PEAK1: variants seen among roughly 807,000 people sequenced by gnomAD.
PEAK1 encodes the protein pseudopodium enriched atypical kinase 1, also known as inactive tyrosine-protein kinase PEAK1.
Under a neutral mutation model 124.7 loss-of-function variants are expected in PEAK1, and 54 were observed. The ratio of observed to expected loss-of-function variants is 0.43; its 90% CI spans 0.35 to 0.54. PEAK1 has a LOEUF of 0.54. Ranked by LOEUF, PEAK1 falls within the 20% of genes least tolerant of loss-of-function variation. The probability of loss-of-function intolerance (pLI) is 0.01; values close to 1 mark genes in which losing one functional copy is unlikely to be tolerated. For missense variants in PEAK1, 2,046 were observed against 2,134.5 expected (o/e 0.96, Z 0.82); for synonymous variants, 719 against 760.0 (o/e 0.95, Z 0.89).
At position 77,147,982 on chromosome 15, in the gene PEAK1, T is replaced by C. The variant is rs79345004; in HGVS notation, c.3331+10521A>G. On this transcript the variant is annotated intron_variant, in intron 8 of 9. Coordinates refer to ENST00000682557, the MANE Select transcript of PEAK1 (RefSeq NM_001385026.1). The stretch of plus-strand genomic sequence containing the variant: ...GACTGAGGAAGTGAATTTTTATTTT[T>C]ATAAATTTATATTTAAGAAGCCATA... 4.3e-3 allele frequency among the ~76,000 whole-genome samples: 653 copies of C among 152,340 alleles called. 1 individual carries two copies. The highest frequency in any genetic ancestry group is 0.013 in the African/African-American group (558 of 41,578).
At chr15:77,305,931 T>C (rs1037986583) in intron 2 of PEAK1, among the ~76,000 whole-genome samples, 3 of 152,204 alleles carry the variant, frequency 2.0e-5, no homozygotes, top group East Asian at 1.9e-4. Context: ...TCCACAGATA[T>C]GAAACCCACG....
chr15:77,281,649 C>T (rs1054098316), intron 5 of PEAK1, among the ~76,000 whole-genome samples: 1 of 152,034 alleles, frequency 6.6e-6, no homozygotes, highest in Non-Finnish European at 1.5e-5. Context: ...AAATTATTAT[C>T]TCTTTCAACA....
At chr15:77,188,216 A>T (rs2057647620) in intron 6 of PEAK1, among the ~76,000 whole-genome samples, 1 of 152,196 alleles carries the variant, frequency 6.6e-6, no homozygotes, top group Admixed American at 6.5e-5. Context: ...ACCAAAGTAA[A>T]ATCTGCTTAA....
intron 8 of PEAK1, among the ~76,000 whole-genome samples, chr15:77,136,897 C>T (rs2053380854): frequency 6.6e-6 from 1 of 152,200 alleles, no homozygotes; most frequent in Non-Finnish European, 1.5e-5. Flanking sequence ...CCATCAGAGG[C>T]CCGAAGGCCT....
chr15:77,324,553 G>T (rs2065446505), intron 2 of PEAK1, among the ~76,000 whole-genome samples: 1 of 152,128 alleles, frequency 6.6e-6, no homozygotes. Flanking sequence ...AAATAACTGA[G>T]ACTGAGTAAT....
At chr15:77,407,930 TACAC>T (rs774383293) in intron 1 of PEAK1, among the ~76,000 whole-genome samples, 56 of 132,654 alleles carry the variant, frequency 4.2e-4, no homozygotes, top group East Asian at 4.0e-3. Flanking sequence ...TATACATATA[TACAC>T]ACATATATAC....
chr15:77,373,673 C>A (rs764712058), intron 1 of PEAK1, among the ~76,000 whole-genome samples: 1 of 152,166 alleles, frequency 6.6e-6, no homozygotes, highest in Non-Finnish European at 1.5e-5. Flanking sequence ...AGATCGTGAT[C>A]CAGTGCTACA....
rs767781584 is a variant in PEAK1, at chr15:77,222,406, T to C, written c.-115+29961A>G. Among the ~76,000 whole-genome samples, 49 of 152,182 alleles carry C rather than the reference T, an allele frequency of 3.2e-4. 1 individual carries two copies. The highest frequency in any genetic ancestry group is 5.1e-4 in the Non-Finnish European group (35 of 67,974). On this transcript the variant is annotated intron_variant, in intron 6 of 9. Transcript: ENST00000682557. ...GCCTACTATAATGCAGACAGTATAC[T>C]ATCCAAGTGTTTCATATATATTACT... is the stretch of plus-strand genomic sequence containing the variant.
At chr15:77,182,671 G>C (rs2057337789) in intron 6 of PEAK1, among the ~76,000 whole-genome samples, 2 of 148,890 alleles carry the variant, frequency 1.3e-5, no homozygotes, top group African/African-American at 4.9e-5. Flanking sequence ...AGGATTGTTT[G>C]AGCCTGGGAG....
At chr15:77,182,095 T>TA in intron 6 of PEAK1, 55 bp from the exon 7 acceptor site, 1 of 1,303,078 alleles carries the variant, frequency 7.7e-7, no homozygotes. Context: ...CTATGAGACT[T>TA]ACCATTATTA....
chr15:77,146,802 G>T (rs12902446), intron 8 of PEAK1, among the ~76,000 whole-genome samples: 54,832 of 151,956 alleles, frequency 0.36, 10,027 homozygotes, highest in Non-Finnish European at 0.38. Flanking sequence ...ATTTGTTGAG[G>T]AAATGAGTGA....
At chr15:77,188,475 A>C (rs952598035) in intron 6 of PEAK1, among the ~76,000 whole-genome samples, 5 of 152,244 alleles carry the variant, frequency 3.3e-5, no homozygotes, top group Admixed American at 2.6e-4. Context: ...ACTAGTTATA[A>C]GATTAGAAGT....
rs187592131 is a variant in PEAK1, at chr15:77,369,121, T to G, written c.-665-3896A>C. Among the ~76,000 whole-genome samples the G allele has an allele frequency of 2.0e-5, 3 of 152,314 alleles. 1 individual carries two copies. In the East Asian group the frequency reaches 5.8e-4, roughly 29 times the overall value. On this transcript the variant is annotated intron_variant, in intron 1 of 9. Transcript: ENST00000682557. ...ACCATTAAGAAGCACTAAAATAATG[T>G]GTGCTAATCAGGTTACAGCTAGTAA...
At chr15:77,277,384 G>C (rs2062390380) in intron 5 of PEAK1, among the ~76,000 whole-genome samples, 2 of 151,682 alleles carry the variant, frequency 1.3e-5, no homozygotes, top group African/African-American at 4.8e-5. Context: ...TCTGTATCTT[G>C]GTTGCAGTGT....
Position 77,180,770 on chromosome 15 carries a change from T to C in PEAK1, c.1157A>G (p.Asn386Ser). The change falls in exon 7 of 10, where the codon AAT becomes AGT. Residue 386 changes from asparagine to serine, a missense_variant. Transcript: ENST00000682557. ...ATTATTACTAGAGGGACTTTCATAA[T>C]TGGGCTCAATTTCCTTCATGTCCTT... ...DSKDMKEIEPNYESPSSNNQD... is the reference protein window; with the variant it reads ...DSKDMKEIEPSYESPSSNNQD... The C allele has an allele frequency of 1.2e-6, 2 of 1,614,104 alleles. No individual in the cohort carries two copies. The highest frequency in any genetic ancestry group is 1.7e-6 in the Non-Finnish European group (2 of 1,180,000).
intron 1 of PEAK1, among the ~76,000 whole-genome samples, chr15:77,391,979 A>C (rs958326128): frequency 6.6e-6 from 1 of 152,206 alleles, no homozygotes; most frequent in Non-Finnish European, 1.5e-5. Flanking sequence ...CCTATAAACT[A>C]TCTCTATATC....
intron 5 of PEAK1, among the ~76,000 whole-genome samples, chr15:77,279,106 T>TGC (rs770868021): frequency 4.0e-5 from 3 of 74,612 alleles, no homozygotes; most frequent in Non-Finnish European, 9.3e-5. Flanking sequence ...CGTGTGTGCG[T>TGC]GTGTGTGTGT....
chr15:77,293,503 T>C (rs1457586100), intron 2 of PEAK1, among the ~76,000 whole-genome samples: 1 of 152,194 alleles, frequency 6.6e-6, no homozygotes, highest in Non-Finnish European at 1.5e-5. Context: ...CCACTAGAAA[T>C]GCTCTTTCCA....
intron 6 of PEAK1, among the ~76,000 whole-genome samples, chr15:77,228,081 G>C (rs954108651): frequency 2.6e-5 from 4 of 151,540 alleles, no homozygotes; most frequent in Non-Finnish European, 5.9e-5. Context: ...CAACATATAA[G>C]GTATTTTACT....
Sources: allele counts gnomAD v4.1 joint callset (sites outside exome capture counted in the v4.1 genomes callset), GRCh38; gene constraint gnomAD v4.1.1; transcripts MANE v1.5; gene names NCBI Gene and HGNC (gene_info 2026-07-23, HGNC 2026-07-21).